The following ZBTB25 variants were observed in gnomAD, a reference collection of about 807,000 sequenced individuals.
ZBTB25 encodes the protein zinc finger and BTB domain-containing protein 25.
Under a neutral mutation model 34.2 loss-of-function variants are expected in ZBTB25, and 20 were observed. The ratio of observed to expected loss-of-function variants is 0.58; its 90% CI spans 0.41 to 0.85. The LOEUF (loss-of-function observed/expected upper bound fraction) is 0.85. Among genes scored for constraint, ZBTB25 ranks in the 40% least tolerant of loss-of-function variants. ZBTB25 has a pLI of 0.00. For synonymous variants in ZBTB25, 175 were observed against 186.4 expected (o/e 0.94, Z 0.50); for missense variants, 437 against 521.8 (o/e 0.84, Z 1.58).
chr14:64,453,666 G>T, intron 2 of ZBTB25: 1 of 776,398 alleles, frequency 1.3e-6, no homozygotes, highest in Non-Finnish European at 2.3e-6. Context: ...CCCTTTTAGG[G>T]ACTCTGACCT....
Position 64,480,598 on chromosome 14 carries a change from G to T in ZBTB25, c.*6325C>A. 5.9e-6 allele frequency: 1 copy of T among 168,136 alleles called. No individual in the cohort carries two copies. The highest frequency in any genetic ancestry group is 1.3e-5 in the Non-Finnish European group (1 of 77,174). The allele number at this position is 168,136 out of a possible 1,614,324, so 10.4% of individuals were successfully genotyped here. Reference sequence around the variant, plus strand: ...TGTAAAATAAGAACACATTCTATAAGCTAAGCTAATAAACTTGTTTTTGAT... The same window carrying T: ...TGTAAAATAAGAACACATTCTATAATCTAAGCTAATAAACTTGTTTTTGAT... On this transcript the variant is annotated 3_prime_UTR_variant, in exon 3 of 3. Transcript: ENST00000608382.
At chr14:64,492,197 A>ATAT (rs60636820) in intron 1 of ZBTB25, among the ~76,000 whole-genome samples, 57,744 of 135,300 alleles carry the variant, frequency 0.43, 12,897 homozygotes, top group East Asian at 0.68. Flanking sequence ...TCCCCAAGTT[A>ATAT]TATTATTATT....
rs1225909276 is a variant in ZBTB25 at position 64,485,491 on chromosome 14, G to A, written c.*1432C>T. The A allele has an allele frequency of 8.1e-6, 8 of 985,258 alleles. No homozygotes were observed. The highest frequency in any genetic ancestry group is 1.1e-4 in the East Asian group (1 of 8,820). The allele number at this position is 985,258 out of a possible 1,614,324, so 61.0% of individuals were successfully genotyped here. On this transcript the variant is annotated 3_prime_UTR_variant, in exon 3 of 3. Transcript: ENST00000608382. ...AGCTATTTCCCAGGTATATAGAGCC[G>A]GGGAATCTGTTATTTCTTTCATCAA...
chr14:64,491,985 G>T (rs766414846), intron 1 of ZBTB25, among the ~76,000 whole-genome samples: 1 of 151,920 alleles, frequency 6.6e-6, no homozygotes. Flanking sequence ...CAGGCACGGT[G>T]GTGCATGCTT....
Position 64,479,430 on chromosome 14 carries a change from G to C in ZBTB25, c.*7493C>G, listed in dbSNP as rs747874744. The C allele has an allele frequency of 2.6e-5, 4 of 152,162 alleles. No individual in the cohort carries two copies. Among genetic ancestry groups the C allele is most frequent in the Admixed American group, 1.3e-4 (2 of 15,258 alleles). The allele number at this position is 152,162 out of a possible 1,614,324, so 9.4% of individuals were successfully genotyped here. Reference sequence around the variant, plus strand: ...TGTCTCTATGGGGGGGGATAGCCCTGTGTAATGTTTAATTTTATGTGTCCA... The same window carrying C: ...TGTCTCTATGGGGGGGGATAGCCCTCTGTAATGTTTAATTTTATGTGTCCA... On this transcript the variant is annotated 3_prime_UTR_variant, in exon 3 of 3. Transcript: ENST00000608382.
Position 64,482,094 on chromosome 14 carries a change from T to C in ZBTB25, c.*4829A>G, listed in dbSNP as rs2078801743. The C allele has an allele frequency of 6.6e-6, 1 of 152,226 alleles. No individual in the cohort carries two copies. Among genetic ancestry groups the C allele is most frequent in the South Asian group, 2.1e-4 (1 of 4,832 alleles). 9.4% of individuals were successfully genotyped at this position (152,226 alleles called of 1,614,324 possible). A position where few individuals can be genotyped will look rare whatever the true frequency, so the allele number is the denominator to read the frequency against. The stretch of plus-strand genomic sequence containing the variant: ...CAATTTTCAGTGAAGACTTTTCTAA[T>C]AATACTATTATTACCTTCACCCCAT... On this transcript the variant is annotated 3_prime_UTR_variant, in exon 3 of 3. Coordinates refer to ENST00000608382, the MANE Select transcript of ZBTB25 (RefSeq NM_006977.5).
At chr14:64,465,022 T>A (rs1394130668) in intron 2 of ZBTB25, among the ~76,000 whole-genome samples, 2 of 152,206 alleles carry the variant, frequency 1.3e-5, no homozygotes, top group African/African-American at 4.8e-5. Flanking sequence ...TATATGTAAT[T>A]TTCGCTTCAA....
chr14:64,464,606 T>C (rs2078590963), intron 2 of ZBTB25, among the ~76,000 whole-genome samples: 1 of 152,192 alleles, frequency 6.6e-6, no homozygotes, highest in Admixed American at 6.5e-5. Flanking sequence ...TGCTTTTCAG[T>C]AGTTCTTCAC....
At chr14:64,490,575 T>G in intron 1 of ZBTB25, 35 bp from the exon 2 acceptor site, 1 of 1,548,254 alleles carries the variant, frequency 6.5e-7, no homozygotes, top group Middle Eastern at 1.7e-4. Context: ...TAGATAGGTG[T>G]GTATGTATAT....
In ZBTB25 at chr14:64,478,246, T is replaced by C. The variant is rs1468658456; in HGVS notation, c.*8677A>G. The C allele has an allele frequency of 1.3e-5, 2 of 152,098 alleles. No homozygotes were observed. The highest frequency in any genetic ancestry group is 2.9e-5 in the Non-Finnish European group (2 of 68,032). The allele number at this position is 152,098 out of a possible 1,614,324, so 9.4% of individuals were successfully genotyped here. A position where few individuals can be genotyped will look rare whatever the true frequency, so the allele number is the denominator to read the frequency against. On this transcript the variant is annotated 3_prime_UTR_variant, in exon 3 of 3. Transcript: ENST00000608382. Reference sequence around the variant, plus strand: ...AAGTCCTAGGATGATGAGAATAATATTGTAATCAGAAATGAAGGGGGAGGC... The same window carrying C: ...AAGTCCTAGGATGATGAGAATAATACTGTAATCAGAAATGAAGGGGGAGGC...
At chr14:64,491,310 A>G (rs1269762157) in intron 1 of ZBTB25, among the ~76,000 whole-genome samples, 11 of 152,184 alleles carry the variant, frequency 7.2e-5, no homozygotes, top group African/African-American at 2.7e-4. Flanking sequence ...CACAAAAAAT[A>G]AAACAATTAG....
chr14:64,454,625 G>C, intron 2 of ZBTB25: 1 of 984,518 alleles, frequency 1.0e-6, no homozygotes, highest in Non-Finnish European at 1.6e-6. Context: ...TGGATGTTTC[G>C]AATAAATTGA....
chr14:64,452,051 T>C (rs575742634), intron 2 of ZBTB25, among the ~76,000 whole-genome samples: 1 of 152,296 alleles, frequency 6.6e-6, no homozygotes, highest in African/African-American at 2.4e-5. Context: ...ATCCCAGCAC[T>C]TTGGGAAGCT....
intron 2 of ZBTB25, among the ~76,000 whole-genome samples, chr14:64,453,178 A>C (rs947889636): frequency 2.0e-5 from 3 of 152,232 alleles, no homozygotes; most frequent in South Asian, 2.1e-4. Flanking sequence ...ATATCTATAT[A>C]TATATGTATG....
chr14:64,502,507 C>T (rs2218994), intron 1 of ZBTB25: 287,065 of 351,458 alleles, frequency 0.82, 117,434 homozygotes, highest in East Asian at 0.88. Flanking sequence ...AGCAATGAAA[C>T]TTTCAGGGGT....
At chr14:64,489,420 CA>C in intron 2 of ZBTB25, among the ~76,000 whole-genome samples, 1 of 152,286 alleles carries the variant, frequency 6.6e-6, no homozygotes, top group Non-Finnish European at 1.5e-5. Flanking sequence ...TTACTTAACT[CA>C]GTCTCAGTTT....
rs2078848055 is a variant in ZBTB25 at position 64,485,471 on chromosome 14, T to C, written c.*1452A>G. On this transcript the variant is annotated 3_prime_UTR_variant, in exon 3 of 3. Transcript: ENST00000608382. ...CTTTGTGGTGAAGCTTAACCAGCTA[T>C]TTCCCAGGTATATAGAGCCGGGGAA... The C allele has an allele frequency of 2.0e-6, 2 of 985,396 alleles. No individual in the cohort carries two copies. Among genetic ancestry groups the C allele is most frequent in the Non-Finnish European group, 2.4e-6 (2 of 829,874 alleles). The allele number at this position is 985,396 out of a possible 1,614,324, so 61.0% of individuals were successfully genotyped here.
downstream of ZBTB25, among the ~76,000 whole-genome samples, chr14:64,475,400 T>A (rs995637525): frequency 1.3e-5 from 2 of 151,654 alleles, no homozygotes; most frequent in Non-Finnish European, 2.9e-5. Flanking sequence ...CATCATGCCA[T>A]TGCACTCCAG....
At chr14:64,496,503 T>A (rs1050195208) in intron 1 of ZBTB25, among the ~76,000 whole-genome samples, 1 of 152,106 alleles carries the variant, frequency 6.6e-6, no homozygotes, top group Non-Finnish European at 1.5e-5. Context: ...AAAAAAAGTA[T>A]TAGAGATTGT....
Sources: gnomAD v4.1 joint callset for allele counts (sites outside exome capture counted in the v4.1 genomes callset) on GRCh38, gnomAD v4.1.1 for gene constraint, MANE v1.5 for transcripts, NCBI Gene and HGNC (gene_info 2026-07-23, HGNC 2026-07-21) for gene names.